Variants in ADGRA2 observed in about 807,000 individuals in gnomAD.
ADGRA2 encodes the protein G-protein coupled receptor 124.
Under a neutral mutation model 98.7 loss-of-function variants are expected in ADGRA2, and 61 were observed. The ratio of observed to expected loss-of-function variants is 0.62; its 90% CI spans 0.50 to 0.76. ADGRA2 has a LOEUF of 0.76. ADGRA2 is among the 30% of genes least tolerant of loss of function. The pLI is 0.00. For missense variants in ADGRA2, 1,712 were observed against 1,860.0 expected (o/e 0.92, Z 1.46); for synonymous variants, 858 against 831.5 (o/e 1.03, Z -0.55).
chr8:37,829,167 C>T, intron 3 of ADGRA2, 94 bp from the exon 4 acceptor site: 2 of 1,001,564 alleles, frequency 2.0e-6, no homozygotes, highest in Non-Finnish European at 3.2e-6. Flanking sequence ...TCCCACCCCC[C>T]AACACAAGCC....
Position 37,841,759 on chromosome 8 carries a change from C to G in ADGRA2, c.3421C>G (p.Leu1141Val). 4 of 1,540,054 alleles carry G rather than the reference C, an allele frequency of 2.6e-6. No individual in the cohort carries two copies. The highest frequency in any genetic ancestry group is 3.5e-6 in the Non-Finnish European group (4 of 1,144,704). Reference protein sequence around the residue: ...LGPCKLTNLQLAQSQVCEAGA... With the variant: ...LGPCKLTNLQVAQSQVCEAGA... ...CCCCTGCAAGCTCACCAACCTGCAG[C>G]TGGCCCAGAGTCAGGTGTGCGAGGC... The change falls in exon 19 of 19, where the codon CTG (leucine) becomes GTG (valine). Residue 1141 changes from leucine to valine, a missense_variant. Coordinates refer to ENST00000412232, the MANE Select transcript of ADGRA2 (RefSeq NM_032777.10). This position sits in a 1 kb window ranked among gnomAD's most constrained non-coding sequence, Gnocchi z 5.0.
chr8:37,841,520 T>G lies in ADGRA2; in HGVS notation c.3182T>G (p.Leu1061Arg). 1 of 1,612,720 alleles carries G rather than the reference T, an allele frequency of 6.2e-7. No individual in the cohort carries two copies. Among genetic ancestry groups the G allele is most frequent in the Non-Finnish European group, 8.5e-7 (1 of 1,179,804 alleles). The change falls in exon 19 of 19, where the codon CTG (leucine) becomes CGG (arginine). Residue 1061 changes from leucine to arginine, a missense_variant. Leu to Arg is a moderately radical substitution (Grantham distance 102). Transcript: ENST00000412232. This position sits in a 1 kb window ranked among gnomAD's most constrained non-coding sequence, Gnocchi z 5.0. The part of the protein sequence containing the change: ...SCLYGVAASA[L>R]GLFVFTHHCA... ...TTGTACGGGGTGGCAGCCTCCGCCC[T>G]GGGCCTCTTCGTCTTCACTCACCAC...
At chr8:37,823,666 T>C (rs1466029699) in intron 2 of ADGRA2, among the ~76,000 whole-genome samples, 1 of 152,254 alleles carries the variant, frequency 6.6e-6, no homozygotes, top group Non-Finnish European at 1.5e-5. Context: ...CTGCACCATT[T>C]TACATTCCCA....
chr8:37,822,446 T>G (rs1173844783), intron 2 of ADGRA2, among the ~76,000 whole-genome samples: 3 of 136,100 alleles, frequency 2.2e-5, no homozygotes, highest in Non-Finnish European at 4.9e-5. Flanking sequence ...CTTTAACGGC[T>G]CTAGTGAGAT....
At chr8:37,829,600 C>A in intron 5 of ADGRA2, 41 bp downstream of exon 5, 1 of 1,385,984 alleles carries the variant, frequency 7.2e-7, no homozygotes, top group Non-Finnish European at 1.0e-6. Context: ...GACCCCTGTC[C>A]CTTTCTCTGC....
At chr8:37,838,496 G>A (rs913055139) in intron 14 of ADGRA2, among the ~76,000 whole-genome samples, 8 of 151,900 alleles carry the variant, frequency 5.3e-5, no homozygotes, top group Non-Finnish European at 5.9e-5. Context: ...CAAATGATCC[G>A]CCCGCCTCAG....
At position 37,797,671 on chromosome 8, in the gene ADGRA2, C is replaced by A. The variant is rs1006616861; in HGVS notation, c.266+137C>A. On this transcript the variant is annotated intron_variant, in intron 1 of 18. Coordinates refer to ENST00000412232, the MANE Select transcript of ADGRA2 (RefSeq NM_032777.10). The surrounding 1 kb of genome is among the most constrained non-coding windows in gnomAD (Gnocchi z 5.3). ...TCTGGACAGGCCTGGGTTCAGGCCC[C>A]CAGAGGGGAAGATTGGAGGAGCAGG... is the stretch of plus-strand genomic sequence containing the variant. 25 of 859,086 alleles carry A rather than the reference C, an allele frequency of 2.9e-5. No homozygotes were observed. The highest frequency in any genetic ancestry group is 3.0e-5 in the Non-Finnish European group (19 of 636,308). The allele number at this position is 859,086 out of a possible 1,614,324, so 53.2% of individuals were successfully genotyped here.
intron 2 of ADGRA2, among the ~76,000 whole-genome samples, chr8:37,822,693 T>C (rs527633719): frequency 2.0e-5 from 3 of 152,348 alleles, no homozygotes; most frequent in East Asian, 3.9e-4. Context: ...CTGCCTGTTC[T>C]GGACATTTTA....
intron 2 of ADGRA2, among the ~76,000 whole-genome samples, chr8:37,827,226 C>A (rs1443207310): frequency 6.6e-6 from 1 of 152,244 alleles, no homozygotes; most frequent in Non-Finnish European, 1.5e-5. Flanking sequence ...GGCAACTGGC[C>A]CCACCCACTC....
chr8:37,827,653 C>G (rs1805318866), intron 2 of ADGRA2, among the ~76,000 whole-genome samples: 1 of 152,212 alleles, frequency 6.6e-6, no homozygotes, highest in African/African-American at 2.4e-5. Flanking sequence ...ATGGAGAAGA[C>G]AGGACTGAGG....
chr8:37,838,047 G>C (rs2130049060), intron 14 of ADGRA2, 108 bp downstream of exon 14: 3 of 961,042 alleles, frequency 3.1e-6, no homozygotes, highest in Non-Finnish European at 1.5e-6. Context: ...ATACAGAAAG[G>C]ACTGCAGCCC....
chr8:37,841,124 A>G lies in ADGRA2; in HGVS notation c.2786A>G (p.Tyr929Cys), dbSNP rs1313171967. The G allele has an allele frequency of 1.9e-6, 3 of 1,609,310 alleles. No homozygotes were observed. Among genetic ancestry groups the G allele is most frequent in the East Asian group, 2.2e-5 (1 of 44,814 alleles). Residue 929 changes from tyrosine (Y) to cysteine (C), a missense_variant, in exon 19 of 19, where the codon TAC becomes TGC. Physicochemically the swap from Tyr to Cys is radical, Grantham distance 194. Transcript: ENST00000412232. The surrounding 1 kb of genome is among the most constrained non-coding windows in gnomAD (Gnocchi z 5.0). ...LVWRPSLGAF[Y>C]IPVALILLIT... ...TGGCGTCCAAGCCTTGGCGCCTTCT[A>G]CATCCCTGTGGCTTTGATTCTGCTC...
In ADGRA2 at chr8:37,830,816, C is replaced by T. The variant is rs752343931; in HGVS notation, c.825C>T (p.Asn275=). ...AGTGCTCTGCCAGCTACCTGGGCAA[C>T]GACACCCGCATCCGCTGGTACCACA... ...PFQCSASYLG[N]DTRIRWYHNR... is the part of the protein sequence containing the mutation. Residue 275 remains asparagine (N), a synonymous_variant, in exon 7 of 19, where the codon AAC becomes AAT. Transcript: ENST00000412232. The surrounding 1 kb of genome is among the most constrained non-coding windows in gnomAD (Gnocchi z 4.8). The T allele has an allele frequency of 1.9e-5, 30 of 1,590,684 alleles. No homozygotes were observed. Among genetic ancestry groups the T allele is most frequent in the Middle Eastern group, 1.7e-4 (1 of 6,050 alleles).
In ADGRA2 at chr8:37,844,634, T is replaced by TAC. The variant is rs766546255; in HGVS notation, c.*2281_*2282dup. 2.5e-6 allele frequency: 4 copies of TAC among 1,613,782 alleles called. No homozygotes were observed. In the South Asian group the frequency reaches 4.4e-5, roughly 18 times the overall value. ...CTCCAGTGACAGTGGAGACAGGGGG[T>TAC]ACAGGGCAGATCCGCTTCGGGGACT... On this transcript the variant is annotated 3_prime_UTR_variant, in exon 19 of 19. Transcript: ENST00000412232.
chr8:37,810,281 C>T (rs1179850504), intron 1 of ADGRA2, among the ~76,000 whole-genome samples: 2 of 151,458 alleles, frequency 1.3e-5, no homozygotes, highest in South Asian at 2.1e-4. Flanking sequence ...GAAGATGAGG[C>T]GGGCGGATCA....
rs534668249 is a variant in ADGRA2, at chr8:37,840,790, C to G, written c.2688C>G (p.Leu896=). 2 of 1,607,402 alleles carry G rather than the reference C, an allele frequency of 1.2e-6. No homozygotes were observed. The highest frequency in any genetic ancestry group is 1.3e-5 in the African/African-American group (1 of 74,878). ...ATTTGATCGCTGGAGGGATTCCACT[C>G]ATTATCTGTGGCATCACAGCTGCAG... The part of the protein sequence containing the change: ...RFYLIAGGIP[L]IICGITAAVN... The change falls in exon 18 of 19, where the codon CTC becomes CTG. Residue 896 remains leucine (L), a synonymous_variant. Coordinates refer to ENST00000412232, the MANE Select transcript of ADGRA2 (RefSeq NM_032777.10).
chr8:37,811,563 G>A (rs745747531), intron 1 of ADGRA2, among the ~76,000 whole-genome samples: 1 of 143,376 alleles, frequency 7.0e-6, no homozygotes, highest in Non-Finnish European at 1.5e-5. Context: ...TGGAACCTCC[G>A]CCTCCCAGGT....
chr8:37,835,354 A>T lies in ADGRA2; in HGVS notation c.1789A>T (p.Thr597Ser), dbSNP rs1805577574. ...TGACCAGCAGCTCCGCTTCCGCTGCACCACCGGGAGGCCCAATGTTTCTCT... is the reference window on the plus strand; with the variant it reads ...TGACCAGCAGCTCCGCTTCCGCTGCTCCACCGGGAGGCCCAATGTTTCTCT... ...PADQQLRFRC[T>S]TGRPNVSLSS... Residue 597 changes from threonine (T) to serine (S), a missense_variant, in exon 12 of 19, where the codon ACC (threonine) becomes TCC (serine). By Grantham distance (58) the Thr-to-Ser change is moderately conservative. Transcript: ENST00000412232. 1.9e-6 allele frequency: 3 copies of T among 1,612,570 alleles called. No individual in the cohort carries two copies. The African/African-American group carries it at 4.0e-5, about 22-fold the overall frequency.
chr8:37,813,421 A>C (rs1804895140), intron 1 of ADGRA2, among the ~76,000 whole-genome samples: 1 of 152,204 alleles, frequency 6.6e-6, no homozygotes, highest in African/African-American at 2.4e-5. Context: ...AATAATAAAT[A>C]AAATAATAAC....
Sources: allele counts gnomAD v4.1 joint callset (sites outside exome capture counted in the v4.1 genomes callset), GRCh38; gene constraint gnomAD v4.1.1; non-coding constraint Gnocchi (gnomAD v3.1); transcripts MANE v1.5; gene names NCBI Gene and HGNC (gene_info 2026-07-23, HGNC 2026-07-21).